Variants in KIRREL3 observed in about 807,000 individuals in gnomAD.
KIRREL3 encodes the protein kirre like nephrin family adhesion molecule 3.
Under a neutral mutation model 89.7 loss-of-function variants are expected in KIRREL3, and 36 were observed. That is an observed-to-expected ratio of 0.40 (90% CI 0.31 to 0.53). KIRREL3 has a LOEUF of 0.53. Ranked by LOEUF, KIRREL3 falls within the 20% of genes least tolerant of loss-of-function variation. The pLI is 0.49. For missense variants in KIRREL3, 864 were observed against 1,056.6 expected, an observed-to-expected ratio of 0.82 and a Z score of 2.53; for synonymous variants, 445 against 441.4, an observed-to-expected ratio of 1.01 and a Z score of -0.10.
chr11:126,470,691 G>A (rs577307889), intron 5 of KIRREL3, among the ~76,000 whole-genome samples: 1 of 152,306 alleles, frequency 6.6e-6, no homozygotes, highest in East Asian at 1.9e-4. Context: ...AGGCGAGCGG[G>A]CGTTCTGGAG....
At position 126,574,460 on chromosome 11, in the gene KIRREL3, C is replaced by T. The variant is rs144654494; in HGVS notation, c.56-11548G>A. ...TCAACCTCAAACAGGTCCAGGGGAG[C>T]GATTCTGAGCCACCAGCCATCACTC... On this transcript the variant is annotated intron_variant, in intron 1 of 16. Transcript: ENST00000525144. This position sits in a 1 kb window ranked among gnomAD's most constrained non-coding sequence, Gnocchi z 5.3. Among the ~76,000 whole-genome samples, 8 of 152,138 alleles carry T rather than the reference C, an allele frequency of 5.3e-5. No individual in the cohort carries two copies. Among genetic ancestry groups the T allele is most frequent in the Non-Finnish European group, 8.8e-5 (6 of 68,026 alleles).
At chr11:126,936,470 CA>C (rs1948189457) in intron 1 of KIRREL3, 1 of 136,710 alleles carries the variant, frequency 7.3e-6, no homozygotes, top group South Asian at 2.3e-4. Context: ...ATAACAGCAA[CA>C]AAGTGGAAAA....
Position 126,574,739 on chromosome 11 carries a change from CT to C in KIRREL3, c.56-11828del, listed in dbSNP as rs773466958. Reference sequence around the variant, plus strand: ...TCCAGACTTGAGATGGCTCCTTAGACTTAAATCTCCCTTGAAAAGAAAATGC... The same window carrying C: ...TCCAGACTTGAGATGGCTCCTTAGACTAAATCTCCCTTGAAAAGAAAATGC... On this transcript the variant is annotated intron_variant, in intron 1 of 16. Coordinates refer to ENST00000525144, the MANE Select transcript of KIRREL3 (RefSeq NM_032531.4). The surrounding 1 kb of genome is among the most constrained non-coding windows in gnomAD (Gnocchi z 5.3). 2.0e-5 allele frequency among the ~76,000 whole-genome samples: 3 copies of C among 152,168 alleles called. No homozygotes were observed. Among genetic ancestry groups the C allele is most frequent in the Non-Finnish European group, 4.4e-5 (3 of 68,044 alleles).
chr11:126,902,429 A>G (rs527557188), intron 1 of KIRREL3, among the ~76,000 whole-genome samples: 2 of 152,372 alleles, frequency 1.3e-5, no homozygotes, highest in South Asian at 4.1e-4. Flanking sequence ...ATATGCACAT[A>G]TTTATGGGAT....
intron 1 of KIRREL3, among the ~76,000 whole-genome samples, chr11:126,921,060 A>G (rs1947255078): frequency 1.3e-5 from 2 of 152,150 alleles, no homozygotes; most frequent in African/African-American, 4.8e-5. Flanking sequence ...AAATCAGCTA[A>G]AGGCCTGGAT....
At position 126,969,237 on chromosome 11, in the gene KIRREL3, C is replaced by A. The variant is rs556209869; in HGVS notation, c.55+31218G>T. ...AGGGGCGATTCACTCCATTTACTGA[C>A]ACAATAGACATGGAGTGCCTCCCAT... On this transcript the variant is annotated intron_variant, in intron 1 of 16. Transcript: ENST00000525144. The surrounding 1 kb of genome is among the most constrained non-coding windows in gnomAD (Gnocchi z 4.9). Among the ~76,000 whole-genome samples, 3 of 152,120 alleles carry A rather than the reference C, an allele frequency of 2.0e-5. No homozygotes were observed. Among genetic ancestry groups the A allele is most frequent in the Non-Finnish European group, 4.4e-5 (3 of 68,018 alleles).
Position 126,993,080 on chromosome 11 carries a change from A to T in KIRREL3, c.55+7375T>A, listed in dbSNP as rs543684692. 8.6e-4 allele frequency among the ~76,000 whole-genome samples: 130 copies of T among 151,670 alleles called. 1 individual carries two copies. Among genetic ancestry groups the T allele is most frequent in the Non-Finnish European group, 1.0e-4 (7 of 67,722 alleles). ...AAGAACGATTAAAAAGTATATTTCCATTCAATTTTACATTTTTAGCCCCAT... is the reference window on the plus strand; with the variant it reads ...AAGAACGATTAAAAAGTATATTTCCTTTCAATTTTACATTTTTAGCCCCAT... On this transcript the variant is annotated intron_variant, in intron 1 of 16. Transcript: ENST00000525144. This position sits in a 1 kb window ranked among gnomAD's most constrained non-coding sequence, Gnocchi z 6.1.
chr11:126,972,182 G>GAGAGAGAGAGAGAC, intron 1 of KIRREL3, among the ~76,000 whole-genome samples: 1 of 151,764 alleles, frequency 6.6e-6, no homozygotes, highest in Admixed American at 6.6e-5. Flanking sequence ...GAGAGAGAGA[G>GAGAGAGAGAGAGAC]AGAGAGAGAG....
chr11:126,845,040 G>A lies in KIRREL3; in HGVS notation c.55+155415C>T, dbSNP rs536607415. On this transcript the variant is annotated intron_variant, in intron 1 of 16. Transcript: ENST00000525144. ...ACTCAGGGCAACCATCTTGGCCAGCGACCACAAGTTGAAACTCCTGGTCAG... is the reference window on the plus strand; with the variant it reads ...ACTCAGGGCAACCATCTTGGCCAGCAACCACAAGTTGAAACTCCTGGTCAG... Among the ~76,000 whole-genome samples, 60 of 152,108 alleles carry A rather than the reference G, an allele frequency of 3.9e-4. 1 individual carries two copies. The South Asian group carries it at 5.8e-3, about 15-fold the overall frequency.
At chr11:126,437,763 CACAAT>C (rs1450466688) in intron 11 of KIRREL3, among the ~76,000 whole-genome samples, 24 of 152,252 alleles carry the variant, frequency 1.6e-4, no homozygotes, top group African/African-American at 5.8e-4. Flanking sequence ...CACCATATGC[CACAAT>C]ACAACACACA....
rs77029426 is a variant in KIRREL3 at position 126,719,567 on chromosome 11, T to C, written c.56-156655A>G. On this transcript the variant is annotated intron_variant, in intron 1 of 16. Coordinates refer to ENST00000525144, the MANE Select transcript of KIRREL3 (RefSeq NM_032531.4). The surrounding 1 kb of genome is among the most constrained non-coding windows in gnomAD (Gnocchi z 4.7). ...TTGAACATCTCTTAGGTTTCTAAAA[T>C]GTAACTCATCCACAGCCAACTCCTG... is the stretch of plus-strand genomic sequence containing the variant. Among the ~76,000 whole-genome samples the C allele has an allele frequency of 9.7e-3, 1,481 of 152,284 alleles. 31 individuals are homozygous for C. The highest frequency in any genetic ancestry group is 0.034 in the African/African-American group (1,432 of 41,536).
In KIRREL3 at chr11:126,605,353, G is replaced by A. The variant is rs1037527782; in HGVS notation, c.56-42441C>T. On this transcript the variant is annotated intron_variant, in intron 1 of 16. Coordinates refer to ENST00000525144, the MANE Select transcript of KIRREL3 (RefSeq NM_032531.4). The surrounding 1 kb of genome is among the most constrained non-coding windows in gnomAD (Gnocchi z 5.7). ...TCATCTTCAGGCGTCGGGAGTGGGA[G>A]CAATGGAGCACCCATGGTCTCCAGG... Among the ~76,000 whole-genome samples, 1 of 152,178 alleles carries A rather than the reference G, an allele frequency of 6.6e-6. No individual in the cohort carries two copies. Among genetic ancestry groups the A allele is most frequent in the African/African-American group, 2.4e-5 (1 of 41,438 alleles).
Position 126,741,412 on chromosome 11 carries a change from C to T in KIRREL3, c.56-178500G>A, listed in dbSNP as rs76725577. ...CGTGGGGCCAGCACAATGACTCTTG[C>T]AGGTCTCTGTAATTCATACGGAGCC... On this transcript the variant is annotated intron_variant, in intron 1 of 16. Transcript: ENST00000525144. Among the ~76,000 whole-genome samples, 432 of 152,308 alleles carry T rather than the reference C, an allele frequency of 2.8e-3. 1 individual carries two copies. The highest frequency in any genetic ancestry group is 4.3e-3 in the Non-Finnish European group (292 of 68,026).
intron 1 of KIRREL3, among the ~76,000 whole-genome samples, chr11:126,868,312 C>G (rs1944991001): frequency 6.6e-6 from 1 of 152,082 alleles, no homozygotes; most frequent in South Asian, 2.1e-4. Flanking sequence ...CTGTGTGGGG[C>G]AGAGTGTGGA....
Position 126,425,915 on chromosome 11 carries a change from G to C in KIRREL3, c.1807-191C>G, listed in dbSNP as rs190737542. Among the ~76,000 whole-genome samples, 29 of 152,358 alleles carry C rather than the reference G, an allele frequency of 1.9e-4. No individual in the cohort carries two copies. The East Asian group carries it at 3.7e-3, about 19-fold the overall frequency. On this transcript the variant is annotated intron_variant, in intron 15 of 16. Transcript: ENST00000525144. ...CCTAGGAGACAGGGAAGCAGTTGAG[G>C]GGGGTGGGTGAGTAGGTGAGGTGAG... is the stretch of plus-strand genomic sequence containing the variant.
In KIRREL3 at chr11:126,492,351, A is replaced by G. The variant is rs913254266; in HGVS notation, c.434-18885T>C. On this transcript the variant is annotated intron_variant, in intron 4 of 16. Transcript: ENST00000525144. This position sits in a 1 kb window ranked among gnomAD's most constrained non-coding sequence, Gnocchi z 4.8. The stretch of plus-strand genomic sequence containing the variant: ...GATGAGGTGGATGTGACAAGGTGAC[A>G]TGACCCTAAGGCAGGGGGATGGACC... 2.0e-5 allele frequency among the ~76,000 whole-genome samples: 3 copies of G among 152,162 alleles called. No homozygotes were observed. Among genetic ancestry groups the G allele is most frequent in the African/African-American group, 7.2e-5 (3 of 41,458 alleles).
At chr11:126,937,092 C>T (rs1948221055) in intron 1 of KIRREL3, 1 of 152,048 alleles carries the variant, frequency 6.6e-6, no homozygotes, top group African/African-American at 2.4e-5. Flanking sequence ...AGGACATAGC[C>T]TCACACTTAC....
At position 126,815,627 on chromosome 11, in the gene KIRREL3, A is replaced by G. The variant is rs528119185; in HGVS notation, c.55+184828T>C. ...CGGCTCACTGCAAGCTCCGCCTCCC[A>G]CGTTCACGCCATTCTCCTGCCTCAG... On this transcript the variant is annotated intron_variant, in intron 1 of 16. Coordinates refer to ENST00000525144, the MANE Select transcript of KIRREL3 (RefSeq NM_032531.4). 3.9e-5 allele frequency among the ~76,000 whole-genome samples: 6 copies of G among 152,142 alleles called. No homozygotes were observed. In the South Asian group the frequency reaches 6.3e-4, roughly 16 times the overall value.
At chr11:126,973,724 C>A (rs1012013888) in intron 1 of KIRREL3, among the ~76,000 whole-genome samples, 1 of 152,090 alleles carries the variant, frequency 6.6e-6, no homozygotes, top group Non-Finnish European at 1.5e-5. Flanking sequence ...ATACTTTTTA[C>A]AGAGTTTGGA....
Sources: allele counts gnomAD v4.1 joint callset (sites outside exome capture counted in the v4.1 genomes callset), GRCh38; gene constraint gnomAD v4.1.1; non-coding constraint Gnocchi (gnomAD v3.1); transcripts MANE v1.5; gene names NCBI Gene and HGNC (gene_info 2026-07-23, HGNC 2026-07-21).